The following WLS variants were observed in gnomAD, a reference collection of about 807,000 sequenced individuals.
WLS encodes Wnt ligand secretion mediator, also known as protein wntless homolog.
In WLS, 23 loss-of-function variants were observed where a neutral mutation model predicts 62.8. The observed-to-expected ratio is 0.37, with a 90% CI of 0.26 to 0.52. WLS has a LOEUF of 0.52. Ranked by LOEUF, WLS falls within the 20% of genes least tolerant of loss-of-function variation. The pLI, the probability that WLS is intolerant of heterozygous loss-of-function variation, is 0.92. For missense variants in WLS, 615 were observed against 697.3 expected, an observed-to-expected ratio of 0.88 and a Z score of 1.33; for synonymous variants, 246 against 244.1, an observed-to-expected ratio of 1.01 and a Z score of -0.07.
At chr1:68,134,633 T>G (rs1279787517) in intron 11 of WLS, among the ~76,000 whole-genome samples, 1 of 152,202 alleles carries the variant, frequency 6.6e-6, no homozygotes, top group Non-Finnish European at 1.5e-5. Context: ...GGACACTAAA[T>G]GCCAAAGGCA....
chr1:68,230,582 T>TGTAC (rs1553139183), intron 1 of WLS, among the ~76,000 whole-genome samples: 7,831 of 142,444 alleles, frequency 0.055, 305 homozygotes, highest in Middle Eastern at 0.11. Flanking sequence ...TGTGTGTGTG[T>TGTAC]GCGCGCGTGT....
intron 2 of WLS, among the ~76,000 whole-genome samples, chr1:68,189,158 C>A (rs1457145298): frequency 6.6e-6 from 1 of 152,184 alleles, no homozygotes; most frequent in African/African-American, 2.4e-5. Flanking sequence ...CACTTAGCAG[C>A]CATCTAGGTT....
At chr1:68,224,061 C>T in intron 1 of WLS, among the ~76,000 whole-genome samples, 1 of 152,206 alleles carries the variant, frequency 6.6e-6, no homozygotes. Context: ...ATTACCTCTG[C>T]TTTCTTGGAA....
At chr1:68,136,518 C>T (rs996854118) in intron 11 of WLS, among the ~76,000 whole-genome samples, 1 of 152,136 alleles carries the variant, frequency 6.6e-6, no homozygotes, top group Non-Finnish European at 1.5e-5. Context: ...GCTGTTACCA[C>T]CCCCCGCTTT....
Position 68,148,163 on chromosome 1 carries a change from C to A in WLS, c.1107G>T (p.Trp369Cys). 1 of 1,614,104 alleles carries A rather than the reference C, an allele frequency of 6.2e-7. No individual in the cohort carries two copies. The highest frequency in any genetic ancestry group is 8.5e-7 in the Non-Finnish European group (1 of 1,180,028). ...CCAGCTCTGTTCCAATGTCTGTAGTCCAGATACTGTAGAAGGGATTCGTGA... is the reference window on the plus strand; with the variant it reads ...CCAGCTCTGTTCCAATGTCTGTAGTACAGATACTGTAGAAGGGATTCGTGA... ...VQLTNPFYSI[W>C]TTDIGTELAM... Residue 369 changes from tryptophan to cysteine, a missense_variant, in exon 8 of 12, where the codon TGG becomes TGT. Coordinates refer to ENST00000262348, the MANE Select transcript of WLS (RefSeq NM_024911.7).
At chr1:68,156,568 C>A (rs536860847) in intron 3 of WLS, among the ~76,000 whole-genome samples, 1 of 152,150 alleles carries the variant, frequency 6.6e-6, no homozygotes, top group Non-Finnish European at 1.5e-5. Context: ...GGTGCTTCTA[C>A]CTCCTCTTGC....
At chr1:68,147,378 C>T (rs955951590) in intron 8 of WLS, among the ~76,000 whole-genome samples, 6 of 152,140 alleles carry the variant, frequency 3.9e-5, no homozygotes, top group Non-Finnish European at 7.4e-5. Context: ...TCACAATGTT[C>T]TTGTGACACT....
At chr1:68,151,642 G>C (rs1646827755) in intron 5 of WLS, among the ~76,000 whole-genome samples, 2 of 152,084 alleles carry the variant, frequency 1.3e-5, no homozygotes, top group South Asian at 4.2e-4. Flanking sequence ...AGAGCAATGG[G>C]GATGTGATTT....
intron 11 of WLS, among the ~76,000 whole-genome samples, chr1:68,127,417 G>T (rs1646449786): frequency 6.6e-6 from 1 of 152,176 alleles, no homozygotes; most frequent in South Asian, 2.1e-4. Flanking sequence ...AGTGGACAGT[G>T]TTCTGCTAAA....
intron 1 of WLS, among the ~76,000 whole-genome samples, chr1:68,201,334 T>C (rs1047901810): frequency 6.6e-6 from 1 of 152,228 alleles, no homozygotes. Context: ...CTAAAGAAAG[T>C]GCAAATATTT....
intron 11 of WLS, among the ~76,000 whole-genome samples, chr1:68,130,601 G>A (rs1646504580): frequency 6.6e-6 from 1 of 152,192 alleles, no homozygotes; most frequent in Non-Finnish European, 1.5e-5. Flanking sequence ...GTTCACAGCA[G>A]AATGAGAAAA....
chr1:68,136,023 C>T (rs111500850), intron 11 of WLS, among the ~76,000 whole-genome samples: 22 of 152,282 alleles, frequency 1.4e-4, no homozygotes, highest in African/African-American at 5.3e-4. Flanking sequence ...GGGCTTGAAA[C>T]TGATTGTAAC....
chr1:68,161,672 T>C lies in WLS; in HGVS notation c.380-2425A>G. ...CCAGAATCAGTTACAAAGACCATCATATTCTTTTTCTCTTAGTTCATCATT... is the reference window on the plus strand; with the variant it reads ...CCAGAATCAGTTACAAAGACCATCACATTCTTTTTCTCTTAGTTCATCATT... On this transcript the variant is annotated intron_variant, in intron 2 of 11. Transcript: ENST00000262348. 4.9e-6 allele frequency: 5 copies of C among 1,024,484 alleles called. No individual in the cohort carries two copies. In the South Asian group the frequency reaches 5.8e-5, roughly 12 times the overall value. 63.5% of individuals were successfully genotyped at this position (1,024,484 alleles called of 1,614,324 possible).
At chr1:68,126,421 C>G (rs1197498189) in intron 11 of WLS, 86 bp from the exon 12 acceptor site, 1 of 1,544,594 alleles carries the variant, frequency 6.5e-7, no homozygotes, top group East Asian at 2.3e-5. Context: ...TGCCCTGATG[C>G]TAGCCCTCTT....
intron 11 of WLS, among the ~76,000 whole-genome samples, chr1:68,128,084 C>T (rs1646462138): frequency 6.6e-6 from 1 of 152,206 alleles, no homozygotes; most frequent in Non-Finnish European, 1.5e-5. Context: ...ACATTTGGGG[C>T]TGTTTTGGCA....
intron 6 of WLS, 39 bp from the exon 7 acceptor site, chr1:68,148,699 A>T (rs1646785858): frequency 4.4e-6 from 7 of 1,593,164 alleles, no homozygotes; most frequent in Non-Finnish European, 6.0e-6. Flanking sequence ...TAGAGGGGAG[A>T]GGAAGACCAA....
chr1:68,168,165 G>C (rs1420629591), intron 2 of WLS, among the ~76,000 whole-genome samples: 1 of 152,050 alleles, frequency 6.6e-6, no homozygotes, highest in Non-Finnish European at 1.5e-5. Flanking sequence ...AGAAATCTAG[G>C]GCAGCTGCTT....
At chr1:68,195,066 T>C (rs1222628444) in intron 1 of WLS, among the ~76,000 whole-genome samples, 1 of 152,244 alleles carries the variant, frequency 6.6e-6, no homozygotes, top group East Asian at 1.9e-4. Context: ...GTCTTTTCTA[T>C]GACTGTGTAA....
rs558890653 is a variant in WLS at position 68,184,364 on chromosome 1, C to T, written c.379+9591G>A. Among the ~76,000 whole-genome samples the T allele has an allele frequency of 6.6e-5, 10 of 152,268 alleles. No homozygotes were observed. In the South Asian group the frequency reaches 2.1e-3, roughly 32 times the overall value. On this transcript the variant is annotated intron_variant, in intron 2 of 11. Coordinates refer to ENST00000262348, the MANE Select transcript of WLS (RefSeq NM_024911.7). ...TGGGTACCGTTTTAGCCAACCCAAA[C>T]CTTTCTTTTCCTAATGCATAGAGTG...
Sources: allele counts gnomAD v4.1 joint callset (sites outside exome capture counted in the v4.1 genomes callset), GRCh38; gene constraint gnomAD v4.1.1; transcripts MANE v1.5; gene names NCBI Gene and HGNC (gene_info 2026-07-23, HGNC 2026-07-21).